Variants in GAB2 observed in about 807,000 individuals in gnomAD.
The protein encoded by GAB2 is GRB2-associated-binding protein 2.
GAB2 carries 26 observed loss-of-function variants against 65.5 expected under a neutral mutation model. The observed-to-expected ratio is 0.40, with a 90% CI of 0.29 to 0.55. GAB2 has a LOEUF of 0.55. GAB2 is among the 20% of genes least tolerant of loss of function. GAB2 has a pLI of 0.53. For missense variants in GAB2, 884 were observed against 875.8 expected (o/e 1.01, Z -0.12); for synonymous variants, 321 against 329.6 (o/e 0.97, Z 0.28).
chr11:78,327,115 C>A (rs897610434), intron 1 of GAB2, among the ~76,000 whole-genome samples: 4 of 152,158 alleles, frequency 2.6e-5, no homozygotes, highest in African/African-American at 9.7e-5. Context: ...TCTACAAATA[C>A]GTACTGAGCA....
chr11:78,393,375 T>C (rs1311491298), intron 1 of GAB2, among the ~76,000 whole-genome samples: 1 of 152,206 alleles, frequency 6.6e-6, no homozygotes, highest in Non-Finnish European at 1.5e-5. Flanking sequence ...GCACCTTGCA[T>C]TTGAACAAGT....
chr11:78,378,003 C>A (rs1289330718), intron 1 of GAB2, among the ~76,000 whole-genome samples: 1 of 152,194 alleles, frequency 6.6e-6, no homozygotes, highest in Non-Finnish European at 1.5e-5. Context: ...CCTCTCCACA[C>A]CTACCACGTG....
intron 3 of GAB2, 136 bp downstream of exon 3, chr11:78,250,021 T>A (rs1440604068): frequency 3.3e-6 from 3 of 922,244 alleles, no homozygotes; most frequent in Non-Finnish European, 5.0e-6. Context: ...AAGCAAAAAA[T>A]TATGTTTTGT....
chr11:78,309,986 G>C lies in GAB2; in HGVS notation c.76-29085C>G, dbSNP rs976991748. On this transcript the variant is annotated intron_variant, in intron 1 of 9. Coordinates refer to ENST00000361507, the MANE Select transcript of GAB2 (RefSeq NM_080491.3). ...TGTGTGTGTGTGCGCGCGCGCCTGT[G>C]TGTGTGGTGGTGGCAGTGGTGGGGT... Among the ~76,000 whole-genome samples the C allele has an allele frequency of 4.7e-4, 71 of 151,498 alleles. 1 individual carries two copies. The highest frequency in any genetic ancestry group is 2.9e-5 in the Non-Finnish European group (2 of 67,938).
At chr11:78,339,793 C>T (rs374045422) in intron 1 of GAB2, among the ~76,000 whole-genome samples, 5 of 152,266 alleles carry the variant, frequency 3.3e-5, no homozygotes, top group African/African-American at 4.8e-5. Context: ...TCATAGATCA[C>T]GGAAAACTGA....
chr11:78,314,853 A>G (rs1264207443), intron 1 of GAB2, among the ~76,000 whole-genome samples: 2 of 152,216 alleles, frequency 1.3e-5, no homozygotes, highest in Non-Finnish European at 2.9e-5. Context: ...GCAGAGGTGA[A>G]GAGGTGCCAC....
chr11:78,380,783 AC>A (rs1856687822), intron 1 of GAB2, among the ~76,000 whole-genome samples: 1 of 137,314 alleles, frequency 7.3e-6, no homozygotes, highest in Non-Finnish European at 1.6e-5. Flanking sequence ...CCACCCCCAA[AC>A]CCCCCACCCC....
chr11:78,373,321 C>A (rs1268011415), intron 1 of GAB2, among the ~76,000 whole-genome samples: 2 of 150,440 alleles, frequency 1.3e-5, no homozygotes, highest in Non-Finnish European at 2.9e-5. Flanking sequence ...CTCACTGCAA[C>A]CTCCGCCTCA....
At chr11:78,237,519 T>C (rs1865013237) in intron 3 of GAB2, among the ~76,000 whole-genome samples, 1 of 152,162 alleles carries the variant, frequency 6.6e-6, no homozygotes, top group South Asian at 2.1e-4. Context: ...TGTTACTGGT[T>C]CTCTAGGAAT....
Position 78,370,699 on chromosome 11 carries a change from G to T in GAB2, c.75+46947C>A, listed in dbSNP as rs1429380014. On this transcript the variant is annotated intron_variant, in intron 1 of 9. Coordinates refer to ENST00000361507, the MANE Select transcript of GAB2 (RefSeq NM_080491.3). ...TGGGTTGTATGGAACTACTAATATTGTATGTGTGTGTGCGTGTGTGTGTGT... is the reference window on the plus strand; with the variant it reads ...TGGGTTGTATGGAACTACTAATATTTTATGTGTGTGTGCGTGTGTGTGTGT... Among the ~76,000 whole-genome samples, 4 of 148,660 alleles carry T rather than the reference G, an allele frequency of 2.7e-5. No individual in the cohort carries two copies. In the East Asian group the frequency reaches 7.8e-4, roughly 29 times the overall value.
intron 1 of GAB2, among the ~76,000 whole-genome samples, chr11:78,383,035 G>A (rs1856717654): frequency 6.6e-6 from 1 of 152,118 alleles, no homozygotes; most frequent in Admixed American, 6.5e-5. Flanking sequence ...CACTTTGGGA[G>A]GCCAAGGCAG....
chr11:78,339,061 T>C (rs925070593), intron 1 of GAB2, among the ~76,000 whole-genome samples: 8 of 152,136 alleles, frequency 5.3e-5, no homozygotes, highest in Non-Finnish European at 1.2e-4. Context: ...TAACTGGGAT[T>C]ATAGGCATGT....
intron 1 of GAB2, among the ~76,000 whole-genome samples, chr11:78,338,108 T>G (rs1256622021): frequency 2.0e-5 from 3 of 152,236 alleles, no homozygotes; most frequent in Non-Finnish European, 4.4e-5. Flanking sequence ...GAGAGCAGGA[T>G]GAAGTGAATT....
At chr11:78,298,516 T>C (rs988602201) in intron 1 of GAB2, among the ~76,000 whole-genome samples, 1 of 152,250 alleles carries the variant, frequency 6.6e-6, no homozygotes, top group African/African-American at 2.4e-5. Context: ...CCTGTATCAG[T>C]AATTACACTG....
chr11:78,301,753 G>A (rs1192560710), intron 1 of GAB2, among the ~76,000 whole-genome samples: 1 of 152,156 alleles, frequency 6.6e-6, no homozygotes, highest in East Asian at 1.9e-4. Context: ...GCTAAGCAAA[G>A]AACAAATCTG....
At chr11:78,397,232 C>T (rs889526205) in intron 1 of GAB2, among the ~76,000 whole-genome samples, 2 of 152,104 alleles carry the variant, frequency 1.3e-5, no homozygotes, top group African/African-American at 2.4e-5. Context: ...AATTCAATTC[C>T]AGTTCAAACT....
chr11:78,401,709 T>C (rs1475033168), intron 1 of GAB2, among the ~76,000 whole-genome samples: 1 of 152,198 alleles, frequency 6.6e-6, no homozygotes, highest in Non-Finnish European at 1.5e-5. Context: ...TATGTATATG[T>C]GTGTATATAT....
At chr11:78,397,497 G>T (rs1325471820) in intron 1 of GAB2, among the ~76,000 whole-genome samples, 2 of 152,228 alleles carry the variant, frequency 1.3e-5, no homozygotes, top group Non-Finnish European at 2.9e-5. Flanking sequence ...AATTCATTCT[G>T]ATGAGGTGGA....
In GAB2 at chr11:78,219,119, G is replaced by T; in HGVS notation, c.*153C>A. ...ATCAGGCCCTCACCTCCCAGGGGAA[G>T]GGTTCAGGGTCCCTGATGTCAAGTG... On this transcript the variant is annotated 3_prime_UTR_variant, in exon 10 of 10. Coordinates refer to ENST00000361507, the MANE Select transcript of GAB2 (RefSeq NM_080491.3). The T allele has an allele frequency of 1.5e-6, 1 of 685,160 alleles. No individual in the cohort carries two copies. Among genetic ancestry groups the T allele is most frequent in the Admixed American group, 2.9e-5 (1 of 34,506 alleles). The allele number at this position is 685,160 out of a possible 1,614,324, so 42.4% of individuals were successfully genotyped here.
Sources: gnomAD v4.1 joint callset for allele counts (sites outside exome capture counted in the v4.1 genomes callset) on GRCh38, gnomAD v4.1.1 for gene constraint, MANE v1.5 for transcripts, NCBI Gene and HGNC (gene_info 2026-07-23, HGNC 2026-07-21) for gene names.